RALA: variants seen among roughly 807,000 people sequenced by gnomAD.
RALA encodes the protein RAS like proto-oncogene A.
Under a neutral mutation model 24.0 loss-of-function variants are expected in RALA, and 5 were observed. The ratio of observed to expected loss-of-function variants is 0.21; its 90% CI spans 0.11 to 0.44. RALA has a LOEUF of 0.44. Among genes scored for constraint, RALA ranks in the 20% least tolerant of loss-of-function variants. RALA has a pLI of 0.99. For missense variants in RALA, 95 were observed against 241.2 expected, an observed-to-expected ratio of 0.39 and a Z score of 4.01; for synonymous variants, 77 against 83.8, an observed-to-expected ratio of 0.92 and a Z score of 0.44.
In RALA at chr7:39,690,362, T is replaced by C; in HGVS notation, c.115-20T>C. The stretch of plus-strand genomic sequence containing the variant: ...TGAAACGTAATAATTAAAAAATTGG[T>C]GTGTTTTTATCTTTTCTAGTTTGTG... On this transcript the variant is annotated intron_variant, in intron 2 of 4. Coordinates refer to ENST00000005257, the MANE Select transcript of RALA (RefSeq NM_005402.4). 1 of 1,565,708 alleles carries C rather than the reference T, an allele frequency of 6.4e-7. No individual in the cohort carries two copies. Among genetic ancestry groups the C allele is most frequent in the Non-Finnish European group, 8.7e-7 (1 of 1,152,038 alleles).
At chr7:39,662,980 G>A (rs1341260895) in intron 1 of RALA, among the ~76,000 whole-genome samples, 1 of 152,208 alleles carries the variant, frequency 6.6e-6, no homozygotes, top group Non-Finnish European at 1.5e-5. Flanking sequence ...ATGGCAGAAG[G>A]TGAAAGGCAC....
intron 1 of RALA, among the ~76,000 whole-genome samples, chr7:39,670,364 C>T (rs192291610): frequency 6.6e-6 from 1 of 152,302 alleles, no homozygotes; most frequent in Non-Finnish European, 1.5e-5. Flanking sequence ...CCAGGCTGGT[C>T]TCAAACACCT....
chr7:39,657,813 T>G (rs976823765), intron 1 of RALA, among the ~76,000 whole-genome samples: 10 of 152,196 alleles, frequency 6.6e-5, no homozygotes, highest in Admixed American at 6.5e-4. Flanking sequence ...CAACCACTAG[T>G]TTGAATGTAG....
chr7:39,628,926 G>A (rs763701744), intron 1 of RALA, among the ~76,000 whole-genome samples: 1 of 152,188 alleles, frequency 6.6e-6, no homozygotes, highest in Non-Finnish European at 1.5e-5. Flanking sequence ...CAGTAGCTGT[G>A]TGAAAAGATA....
intron 1 of RALA, among the ~76,000 whole-genome samples, chr7:39,626,209 T>G (rs757527815): frequency 1.3e-5 from 2 of 152,232 alleles, no homozygotes; most frequent in Admixed American, 1.3e-4. Context: ...TAATAAGAGT[T>G]CTCATGTGTT....
At chr7:39,645,253 G>T (rs1474698364) in intron 1 of RALA, among the ~76,000 whole-genome samples, 1 of 152,030 alleles carries the variant, frequency 6.6e-6, no homozygotes, top group East Asian at 1.9e-4. Context: ...GGGTTTTGTA[G>T]CTTACTTTTG....
At chr7:39,649,329 T>C (rs1791979636) in intron 1 of RALA, among the ~76,000 whole-genome samples, 1 of 152,198 alleles carries the variant, frequency 6.6e-6, no homozygotes. Context: ...CCCATATAGA[T>C]GCTATACTGA....
intron 2 of RALA, 92 bp downstream of exon 2, chr7:39,686,873 A>C: frequency 1.1e-6 from 1 of 881,694 alleles, no homozygotes; most frequent in Non-Finnish European, 1.8e-6. Context: ...GGATTGTTTG[A>C]ATCCTTGAAA....
intron 1 of RALA, among the ~76,000 whole-genome samples, chr7:39,642,460 G>C (rs552916117): frequency 6.6e-5 from 10 of 152,298 alleles, no homozygotes; most frequent in African/African-American, 1.9e-4. Flanking sequence ...GTAGAAAAGA[G>C]AGAGGGTAGA....
chr7:39,704,984 T>G (rs1793091831), intron 4 of RALA, among the ~76,000 whole-genome samples: 1 of 152,202 alleles, frequency 6.6e-6, no homozygotes, highest in Non-Finnish European at 1.5e-5. Flanking sequence ...CCTAATTTTA[T>G]TTTTGAATAC....
chr7:39,660,197 T>C (rs1421608576), intron 1 of RALA, among the ~76,000 whole-genome samples: 1 of 151,924 alleles, frequency 6.6e-6, no homozygotes, highest in Non-Finnish European at 1.5e-5. Flanking sequence ...AGTACAAAAA[T>C]TAGCCGGGTG....
Sources: gnomAD v4.1 joint callset for allele counts (sites outside exome capture counted in the v4.1 genomes callset) on GRCh38, gnomAD v4.1.1 for gene constraint, MANE v1.5 for transcripts, NCBI Gene and HGNC (gene_info 2026-07-23, HGNC 2026-07-21) for gene names.